The following HELZ variants were observed in gnomAD, a reference collection of about 807,000 sequenced individuals.
The protein encoded by HELZ is ATP-dependent RNA helicase with zinc finger domain.
A neutral mutation model predicts 218.2 loss-of-function variants in HELZ; 23 were observed. The ratio of observed to expected loss-of-function variants is 0.11; its 90% CI spans 0.08 to 0.15. The LOEUF (loss-of-function observed/expected upper bound fraction) is 0.15. HELZ is among the 10% of genes least tolerant of loss of function. The pLI is 1.00. For missense variants in HELZ, 1,813 were observed against 2,353.7 expected (o/e 0.77, Z 4.75); for synonymous variants, 814 against 829.4 (o/e 0.98, Z 0.32).
chr17:67,090,461 G>A (rs960958000), intron 31 of HELZ, among the ~76,000 whole-genome samples: 1 of 152,146 alleles, frequency 6.6e-6, no homozygotes, highest in Non-Finnish European at 1.5e-5. Flanking sequence ...AAAAGATTGT[G>A]TAAGTTGGTG....
At chr17:67,152,566 T>TA (rs954458927) in intron 17 of HELZ, among the ~76,000 whole-genome samples, 4 of 151,810 alleles carry the variant, frequency 2.6e-5, no homozygotes, top group South Asian at 2.1e-4. Flanking sequence ...GCAAAGGTGG[T>TA]AAAAAAGAGG....
intron 31 of HELZ, among the ~76,000 whole-genome samples, chr17:67,089,668 T>TAGAGAGAGAGAGAGAGAGAGAGAG (rs1555595394): frequency 2.8e-5 from 2 of 70,638 alleles, no homozygotes; most frequent in Admixed American, 1.6e-4. Context: ...TATATATATA[T>TAGAGAGAGAGAGAGAGAGAGAGAG]AGAGAGAGAG....
chr17:67,232,188 G>A (rs1018839386), intron 3 of HELZ, among the ~76,000 whole-genome samples: 12 of 150,760 alleles, frequency 8.0e-5, no homozygotes, highest in African/African-American at 2.4e-4. Flanking sequence ...CTGTCACCCA[G>A]GCTAGAGTGC....
rs760306152 is a variant in HELZ at position 67,135,959 on chromosome 17, C to T, written c.3182+11G>A. Reference sequence around the variant, plus strand: ...TTCCCCTTTAATGTCTCAACATTAACACATAATTACCTGCATCTTCCAATA... The same window carrying T: ...TTCCCCTTTAATGTCTCAACATTAATACATAATTACCTGCATCTTCCAATA... On this transcript the variant is annotated intron_variant, in intron 23 of 32. Coordinates refer to ENST00000358691, the MANE Select transcript of HELZ (RefSeq NM_014877.4). 13 of 1,593,850 alleles carry T rather than the reference C, an allele frequency of 8.2e-6. No homozygotes were observed. The highest frequency in any genetic ancestry group is 1.3e-5 in the African/African-American group (1 of 74,362).
chr17:67,167,370 T>C, intron 14 of HELZ, 93 bp downstream of exon 14: 3 of 965,870 alleles, frequency 3.1e-6, no homozygotes, highest in East Asian at 4.8e-5. Flanking sequence ...TTTGCTTTTG[T>C]TTACGGCAGA....
chr17:67,145,514 A>G (rs538525913), intron 21 of HELZ, among the ~76,000 whole-genome samples: 2 of 152,284 alleles, frequency 1.3e-5, no homozygotes, highest in African/African-American at 2.4e-5. Flanking sequence ...GAAATCATGT[A>G]TTTTGTCTTA....
chr17:67,105,447 C>CT (rs1371333561), intron 31 of HELZ, among the ~76,000 whole-genome samples: 4 of 152,060 alleles, frequency 2.6e-5, no homozygotes, highest in African/African-American at 9.7e-5. Context: ...GGTTACTAAT[C>CT]TGAGAGTGGG....
At chr17:67,097,570 A>G (rs771147617) in intron 31 of HELZ, among the ~76,000 whole-genome samples, 2 of 152,212 alleles carry the variant, frequency 1.3e-5, no homozygotes, top group Non-Finnish European at 2.9e-5. Context: ...TTTCCTATAC[A>G]TCCATATACA....
Position 67,107,407 on chromosome 17 carries a change from TGTTCAG to T in HELZ, c.4997_5002del (p.Ser1666_His1668delinsTyr). The stretch of plus-strand genomic sequence containing the variant: ...GTATTTCAAGGGAGGAGGGGCAAGG[TGTTCAG>T]ATGGCAACGAGAAAGGTGAGTTGAA... On this transcript the variant is annotated inframe_deletion, in exon 31 of 33. Coordinates refer to ENST00000358691, the MANE Select transcript of HELZ (RefSeq NM_014877.4). The T allele has an allele frequency of 6.2e-7, 1 of 1,614,118 alleles. No individual in the cohort carries two copies. The highest frequency in any genetic ancestry group is 8.5e-7 in the Non-Finnish European group (1 of 1,180,016).
At chr17:67,212,325 A>AAAAAAAAAAAAAAAG in intron 5 of HELZ, among the ~76,000 whole-genome samples, 1 of 146,890 alleles carries the variant, frequency 6.8e-6, no homozygotes, top group Non-Finnish European at 1.5e-5. Flanking sequence ...AAAAAAAAAA[A>AAAAAAAAAAAAAAAG]AAAAAAAAAA....
At chr17:67,092,355 G>A (rs550430149) in intron 31 of HELZ, among the ~76,000 whole-genome samples, 2 of 152,204 alleles carry the variant, frequency 1.3e-5, no homozygotes, top group East Asian at 1.9e-4. Flanking sequence ...GAAGGGAAAC[G>A]ATTCACCTAG....
intron 7 of HELZ, 64 bp from the exon 8 acceptor site, chr17:67,195,534 A>G: frequency 1.1e-6 from 1 of 872,796 alleles, no homozygotes; most frequent in Non-Finnish European, 1.9e-6. Flanking sequence ...ACTAAACTTG[A>G]ACATTTTCAA....
chr17:67,233,745 T>G (rs180865544), intron 3 of HELZ, among the ~76,000 whole-genome samples: 12 of 152,210 alleles, frequency 7.9e-5, no homozygotes, highest in Admixed American at 7.9e-4. Context: ...CCATTCTCCC[T>G]CCTGACTTCC....
At chr17:67,214,471 G>C (rs913597556) in intron 5 of HELZ, among the ~76,000 whole-genome samples, 1 of 151,346 alleles carries the variant, frequency 6.6e-6, no homozygotes, top group Non-Finnish European at 1.5e-5. Flanking sequence ...TCACCATATT[G>C]GCCAGGCTGG....
intron 24 of HELZ, among the ~76,000 whole-genome samples, chr17:67,125,364 C>T (rs1158906725): frequency 5.4e-5 from 6 of 111,036 alleles, no homozygotes; most frequent in Middle Eastern, 5.2e-3. Context: ...GGAATAGAGA[C>T]GTGATAAGAA....
intron 31 of HELZ, among the ~76,000 whole-genome samples, chr17:67,089,694 G>GAGAGAGAGAGACAGAC (rs776184027): frequency 6.0e-5 from 6 of 100,694 alleles, no homozygotes; most frequent in African/African-American, 2.5e-4. Context: ...GAGAGAGAGA[G>GAGAGAGAGAGACAGAC]AGAGAGACAG....
At chr17:67,202,448 C>G (rs979851438) in intron 6 of HELZ, among the ~76,000 whole-genome samples, 67 of 152,096 alleles carry the variant, frequency 4.4e-4, no homozygotes, top group Middle Eastern at 3.4e-3. Flanking sequence ...CTATGATAAC[C>G]CCCTGTGAAT....
At chr17:67,150,532 A>G (rs150623867) in intron 18 of HELZ, among the ~76,000 whole-genome samples, 219 of 152,290 alleles carry the variant, frequency 1.4e-3, no homozygotes, top group Non-Finnish European at 1.0e-3. Flanking sequence ...TTGATTTTAC[A>G]TGGTTCCTGT....
chr17:67,245,837 C>G (rs565063024), upstream of HELZ: 9 of 152,324 alleles, frequency 5.9e-5, no homozygotes, highest in Admixed American at 5.9e-4. Flanking sequence ...CTGTGTCCCG[C>G]GGTCTCCTCC....
Sources: gnomAD v4.1 joint callset for allele counts (sites outside exome capture counted in the v4.1 genomes callset) on GRCh38, gnomAD v4.1.1 for gene constraint, MANE v1.5 for transcripts, NCBI Gene and HGNC (gene_info 2026-07-23, HGNC 2026-07-21) for gene names.